The following KIDINS220 variants were observed in gnomAD, a reference collection of about 807,000 sequenced individuals.
KIDINS220 encodes the protein kinase D interacting substrate 220, also known as kinase D-interacting substrate of 220 kDa.
In KIDINS220, 63 loss-of-function variants were observed where a neutral mutation model predicts 157.6. The ratio of observed to expected loss-of-function variants is 0.40; its 90% confidence interval spans 0.33 to 0.49. The LOEUF is 0.49. KIDINS220 is among the 20% of genes least tolerant of loss of function. The pLI is 0.66. For synonymous variants in KIDINS220, 732 were observed against 783.6 expected, an observed-to-expected ratio of 0.93 and a Z score of 1.10; for missense variants, 1,772 against 2,171.2, an observed-to-expected ratio of 0.82 and a Z score of 3.65.
At chr2:8,800,379 C>A in intron 9 of KIDINS220, 21 bp downstream of exon 9, 1 of 1,470,716 alleles carries the variant, frequency 6.8e-7, no homozygotes, top group Admixed American at 1.8e-5. Flanking sequence ...AAGATAGCAA[C>A]TGCACTGTAA....
rs183442034 is a variant in KIDINS220, at chr2:8,814,781, T to C, written c.307-1446A>G. ...CTTACAGTGGCAGACACCACCCTAA[T>C]CAAGAGATGAAGGCTGACATCACCA... is the stretch of plus-strand genomic sequence containing the variant. On this transcript the variant is annotated intron_variant, in intron 4 of 29. Coordinates refer to ENST00000256707, the MANE Select transcript of KIDINS220 (RefSeq NM_020738.4). 4.6e-5 allele frequency among the ~76,000 whole-genome samples: 7 copies of C among 152,296 alleles called. No individual in the cohort carries two copies. The East Asian group carries it at 1.2e-3, about 25-fold the overall frequency.
Position 8,730,073 on chromosome 2 carries a change from TCTC to T in KIDINS220, c.*644_*646del, listed in dbSNP as rs1447389539. On this transcript the variant is annotated 3_prime_UTR_variant, in exon 30 of 30. Transcript: ENST00000256707. ...GGTCACCAGCCCTCCCCGCATCTAC[TCTC>T]CTAACAGCTCAGGACAGCCCCGTCA... The T allele has an allele frequency of 1.0e-6, 1 of 985,448 alleles. No homozygotes were observed. Among genetic ancestry groups the T allele is most frequent in the South Asian group, 4.7e-5 (1 of 21,280 alleles). The allele number at this position is 985,448 out of a possible 1,614,324, so 61.0% of individuals were successfully genotyped here. A position where few individuals can be genotyped will look rare whatever the true frequency, so the allele number is the denominator to read the frequency against.
intron 28 of KIDINS220, among the ~76,000 whole-genome samples, chr2:8,734,294 TAAAC>T (rs1664570493): frequency 6.6e-6 from 1 of 152,168 alleles, no homozygotes; most frequent in Admixed American, 6.5e-5. Flanking sequence ...GGATTCTTGC[TAAAC>T]CTGGGCAATG....
chr2:8,762,985 C>T (rs966611972), intron 22 of KIDINS220, among the ~76,000 whole-genome samples: 3 of 152,044 alleles, frequency 2.0e-5, no homozygotes, highest in Non-Finnish European at 2.9e-5. Flanking sequence ...CTAAGTTGTT[C>T]GCGTTTTTCA....
intron 26 of KIDINS220, among the ~76,000 whole-genome samples, chr2:8,744,401 A>AATATATATAT (rs1474558259): frequency 7.1e-4 from 5 of 7,010 alleles, no homozygotes; most frequent in African/African-American, 1.4e-3. Flanking sequence ...ATATATATAT[A>AATATATATAT]ATATATATAT....
chr2:8,758,521 T>C (rs1668337118), intron 22 of KIDINS220, among the ~76,000 whole-genome samples: 2 of 152,270 alleles, frequency 1.3e-5, no homozygotes, highest in Admixed American at 1.3e-4. Context: ...TCTGGTTTCA[T>C]TGCTTTTTTT....
intron 26 of KIDINS220, among the ~76,000 whole-genome samples, chr2:8,738,755 T>A (rs900142095): frequency 3.3e-5 from 5 of 152,166 alleles, no homozygotes; most frequent in Admixed American, 1.3e-4. Context: ...CTGAATTGAA[T>A]CCTGGACCAG....
intron 4 of KIDINS220, among the ~76,000 whole-genome samples, chr2:8,814,201 G>A (rs1676724394): frequency 6.6e-6 from 1 of 152,150 alleles, no homozygotes; most frequent in Non-Finnish European, 1.5e-5. Flanking sequence ...TGTTCTACTT[G>A]CTAAGCTACA....
At chr2:8,757,519 G>T in intron 22 of KIDINS220, 1 of 1,435,546 alleles carries the variant, frequency 7.0e-7, no homozygotes, top group South Asian at 1.4e-5. Context: ...ACTGTTGTTT[G>T]CTCTTTAATG....
At chr2:8,801,786 G>A (rs901516733) in intron 8 of KIDINS220, among the ~76,000 whole-genome samples, 15 of 152,106 alleles carry the variant, frequency 9.9e-5, no homozygotes, top group African/African-American at 3.6e-4. Flanking sequence ...TGCACCTGTA[G>A]TCCCAGCTAC....
intron 2 of KIDINS220, among the ~76,000 whole-genome samples, chr2:8,820,440 A>G (rs1677771496): frequency 6.6e-6 from 1 of 152,236 alleles, no homozygotes; most frequent in Non-Finnish European, 1.5e-5. Context: ...TTAAAAATCT[A>G]TTAGGCACAA....
rs190421982 is a variant in KIDINS220 at position 8,775,788 on chromosome 2, T to C, written c.2848+960A>G. ...CTTGGGAAGGGAGCAACAATCTGTG[T>C]GTTGATGGGAGTAATTTTCGAGTGA... is the stretch of plus-strand genomic sequence containing the variant. On this transcript the variant is annotated intron_variant, in intron 21 of 29. Transcript: ENST00000256707. Among the ~76,000 whole-genome samples the C allele has an allele frequency of 1.2e-4, 19 of 152,236 alleles. 1 individual carries two copies. The highest frequency in any genetic ancestry group is 1.2e-3 in the Admixed American group (19 of 15,288).
At chr2:8,762,092 A>C (rs1393513268) in intron 22 of KIDINS220, among the ~76,000 whole-genome samples, 1 of 152,202 alleles carries the variant, frequency 6.6e-6, no homozygotes, top group Non-Finnish European at 1.5e-5. Context: ...ATAAACTGTA[A>C]ACCTGCACAA....
At chr2:8,734,832 C>A in intron 27 of KIDINS220, 79 bp from the exon 28 acceptor site, 1 of 1,036,714 alleles carries the variant, frequency 9.6e-7, no homozygotes, top group South Asian at 1.6e-5. Context: ...GCCAAGTATG[C>A]TTATATTTAG....
rs1673119057 is a variant in KIDINS220 at position 8,791,092 on chromosome 2, C to T, written c.1409G>A (p.Ser470Asn). The change falls in exon 13 of 30, where the codon AGT becomes AAT. Residue 470 changes from serine (S) to asparagine (N), a missense_variant. Transcript: ENST00000256707. ...TTTCTTGAGTAAGAAAGATTTCCCACTTCCCCACTGTGCATATAACCCCAC... is the reference window on the plus strand; with the variant it reads ...TTTCTTGAGTAAGAAAGATTTCCCATTTCCCCACTGTGCATATAACCCCAC... ...ICVGLYAQWGSGKSFLLKKLE... is the reference protein window; with the variant it reads ...ICVGLYAQWGNGKSFLLKKLE... The T allele has an allele frequency of 1.2e-6, 2 of 1,613,814 alleles. No individual in the cohort carries two copies.
intron 8 of KIDINS220, 49 bp downstream of exon 8, chr2:8,802,881 C>T: frequency 6.7e-7 from 1 of 1,501,924 alleles, no homozygotes; most frequent in Non-Finnish European, 9.2e-7. Flanking sequence ...CTAAGGTCAC[C>T]TTTCATCCAC....
chr2:8,770,600 A>C, intron 22 of KIDINS220, 70 bp downstream of exon 22: 2 of 803,960 alleles, frequency 2.5e-6, no homozygotes, highest in Non-Finnish European at 1.9e-6. Flanking sequence ...TGTCTGCTTT[A>C]TACGCGTTTT....
chr2:8,761,187 C>T (rs576161303), intron 22 of KIDINS220, among the ~76,000 whole-genome samples: 9 of 152,196 alleles, frequency 5.9e-5, no homozygotes, highest in East Asian at 1.9e-4. Context: ...ATGCAATTGT[C>T]GTCTTTAAGA....
intron 1 of KIDINS220, among the ~76,000 whole-genome samples, chr2:8,834,521 T>C (rs1406927991): frequency 6.6e-6 from 1 of 151,750 alleles, no homozygotes; most frequent in Non-Finnish European, 1.5e-5. Flanking sequence ...AGGTCTTCTT[T>C]ATAACACCTA....
Sources: allele counts gnomAD v4.1 joint callset (sites outside exome capture counted in the v4.1 genomes callset), GRCh38; gene constraint gnomAD v4.1.1; transcripts MANE v1.5; gene names NCBI Gene and HGNC (gene_info 2026-07-23, HGNC 2026-07-21).